Variants in SEL1L2 observed in about 807,000 individuals in gnomAD.
SEL1L2 encodes protein sel-1 homolog 2.
SEL1L2 carries 89 observed loss-of-function variants against 98.8 expected under a neutral mutation model. The ratio of observed to expected loss-of-function variants is 0.90; its 90% CI spans 0.76 to 1.07. The LOEUF (loss-of-function observed/expected upper bound fraction) is 1.07, where lower values mean the gene tolerates loss of function less well. Among genes scored for constraint, SEL1L2 ranks in the 50% least tolerant of loss-of-function variants. The probability of loss-of-function intolerance (pLI) is 0.00; values close to 1 mark genes in which losing one functional copy is unlikely to be tolerated. For synonymous variants in SEL1L2, 262 were observed against 278.5 expected, an observed-to-expected ratio of 0.94 and a Z score of 0.59; for missense variants, 788 against 812.0, an observed-to-expected ratio of 0.97 and a Z score of 0.36.
chr20:13,995,148 C>A (rs760909709), upstream of SEL1L2: 7 of 157,676 alleles, frequency 4.4e-5, no homozygotes, highest in Non-Finnish European at 4.2e-5. This position sits in a 1 kb window ranked among gnomAD's most constrained non-coding sequence, Gnocchi z 4.3. Context: ...TCGCCTGTCA[C>A]TTGGCGCACC....
chr20:13,963,624 G>A (rs1018422173), intron 1 of SEL1L2, among the ~76,000 whole-genome samples: 2 of 152,008 alleles, frequency 1.3e-5, no homozygotes, highest in African/African-American at 2.4e-5. Flanking sequence ...GCTGAGGCAG[G>A]AGAATTGCTT....
intron 15 of SEL1L2, among the ~76,000 whole-genome samples, chr20:13,865,831 C>CTGTGTGTGTGTGTG (rs11467978): frequency 1.9e-4 from 28 of 149,948 alleles, no homozygotes; most frequent in African/African-American, 5.9e-4. Context: ...GTGTGTGTGT[C>CTGTGTGTGTGTGTG]TGTGTGTGTG....
upstream of SEL1L2, among the ~76,000 whole-genome samples, chr20:13,991,063 T>C (rs1015003400): frequency 6.6e-6 from 1 of 152,232 alleles, no homozygotes; most frequent in Non-Finnish European, 1.5e-5. Flanking sequence ...AGTTAGAAAC[T>C]GCTGAGGATT....
intron 5 of SEL1L2, among the ~76,000 whole-genome samples, chr20:13,909,008 C>T (rs1450089442): frequency 6.6e-6 from 1 of 152,146 alleles, no homozygotes; most frequent in Non-Finnish European, 1.5e-5. Context: ...CTCTGGCACT[C>T]CAGGCTCCTC....
intron 2 of SEL1L2, among the ~76,000 whole-genome samples, chr20:13,949,750 T>C (rs896124056): frequency 1.2e-4 from 18 of 151,040 alleles, no homozygotes; most frequent in Admixed American, 7.2e-4. Context: ...TTGTGGACTA[T>C]TGGTGGGCAT....
intron 12 of SEL1L2, among the ~76,000 whole-genome samples, chr20:13,870,917 C>T (rs2046157922): frequency 9.4e-6 from 1 of 106,480 alleles, no homozygotes; most frequent in Non-Finnish European, 1.8e-5. Flanking sequence ...ATCAAAACTC[C>T]ATCTCAAAAA....
intron 3 of SEL1L2, among the ~76,000 whole-genome samples, chr20:13,919,710 A>G (rs1421197012): frequency 6.6e-6 from 1 of 151,922 alleles, no homozygotes; most frequent in Non-Finnish European, 1.5e-5. Context: ...TGAAGTAAGG[A>G]GTTCAAGACC....
At chr20:13,853,723 G>A (rs118176920) in intron 18 of SEL1L2, among the ~76,000 whole-genome samples, 2,403 of 152,282 alleles carry the variant, frequency 0.016, 38 homozygotes, top group Non-Finnish European at 0.025. Context: ...GCAAGTGGCA[G>A]AGCAGGGATT....
upstream of SEL1L2, chr20:13,990,669 T>A: frequency 3.1e-6 from 2 of 649,952 alleles, no homozygotes; most frequent in Non-Finnish European, 2.6e-6. Context: ...CTTGGGCCAA[T>A]GGGCTGCCAG....
chr20:13,937,994 T>C (rs6079226), intron 2 of SEL1L2, among the ~76,000 whole-genome samples: 57,657 of 151,992 alleles, frequency 0.38, 11,381 homozygotes, highest in South Asian at 0.48. Context: ...GACCCAGTCC[T>C]ATGGTACTAT....
chr20:13,888,493 G>T lies in SEL1L2; in HGVS notation c.569C>A (p.Ser190Tyr). ...ATCATATTCCATTCCTATTCCATAA[G>T]AAGACAAAAATCCTAATGCCTAAAG... ...KAQNALGFLS[S>Y]YGIGMEYDQA... Residue 190 changes from serine to tyrosine, a missense_variant, in exon 6 of 20, where the codon TCT (serine) becomes TAT (tyrosine). Coordinates refer to ENST00000284951, the MANE Select transcript of SEL1L2 (RefSeq NM_025229.2). 6.4e-7 allele frequency: 1 copy of T among 1,563,182 alleles called. No individual in the cohort carries two copies. The highest frequency in any genetic ancestry group is 8.7e-7 in the Non-Finnish European group (1 of 1,144,466).
At chr20:13,871,371 G>T (rs2046185876) in intron 12 of SEL1L2, among the ~76,000 whole-genome samples, 1 of 152,096 alleles carries the variant, frequency 6.6e-6, no homozygotes, top group Non-Finnish European at 1.5e-5. Context: ...CAAATATATT[G>T]ATATTTAGCA....
chr20:13,900,924 G>T (rs2047641984), intron 5 of SEL1L2, among the ~76,000 whole-genome samples: 1 of 152,068 alleles, frequency 6.6e-6, no homozygotes, highest in African/African-American at 2.4e-5. Context: ...AAGAACTAAA[G>T]AATCATCTCG....
intron 2 of SEL1L2, among the ~76,000 whole-genome samples, chr20:13,955,380 G>A (rs2050481518): frequency 6.6e-6 from 1 of 152,038 alleles, no homozygotes; most frequent in Non-Finnish European, 1.5e-5. Context: ...GAGCCCTATG[G>A]ACATCTGGGT....
intron 2 of SEL1L2, among the ~76,000 whole-genome samples, chr20:13,938,704 C>T (rs2049579646): frequency 6.6e-6 from 1 of 152,102 alleles, no homozygotes; most frequent in Non-Finnish European, 1.5e-5. Context: ...CTCTCTGTGA[C>T]TTACTTTACC....
At chr20:13,921,152 A>AATTCTTTTT (rs1349569010) in intron 3 of SEL1L2, among the ~76,000 whole-genome samples, 1 of 152,140 alleles carries the variant, frequency 6.6e-6, no homozygotes, top group Non-Finnish European at 1.5e-5. Context: ...TTTTATTTGT[A>AATTCTTTTT]ATTCTTTTTT....
chr20:13,992,326 A>G (rs2148598401), upstream of SEL1L2, among the ~76,000 whole-genome samples: 1 of 152,220 alleles, frequency 6.6e-6, no homozygotes, highest in African/African-American at 2.4e-5. Flanking sequence ...CAACATGGTG[A>G]AATCCCGTCT....
At chr20:13,950,321 TTA>T (rs2050206934) in intron 2 of SEL1L2, among the ~76,000 whole-genome samples, 1 of 152,172 alleles carries the variant, frequency 6.6e-6, no homozygotes, top group Admixed American at 6.5e-5. Flanking sequence ...ATGCTAAATT[TTA>T]TGTTATGTAT....
At chr20:13,893,144 C>T (rs1037632784) in intron 5 of SEL1L2, among the ~76,000 whole-genome samples, 28 of 152,240 alleles carry the variant, frequency 1.8e-4, no homozygotes, top group South Asian at 4.2e-4. Context: ...AGACTCTGTT[C>T]CCCACTCCCC....
Sources: allele counts gnomAD v4.1 joint callset (sites outside exome capture counted in the v4.1 genomes callset), GRCh38; gene constraint gnomAD v4.1.1; non-coding constraint Gnocchi (gnomAD v3.1); transcripts MANE v1.5; gene names NCBI Gene and HGNC (gene_info 2026-07-23, HGNC 2026-07-21).